AGBL1: variants seen among roughly 807,000 people sequenced by gnomAD.
AGBL1 encodes cytosolic carboxypeptidase 4.
A neutral mutation model predicts 118.9 loss-of-function variants in AGBL1; 130 were observed. The observed-to-expected ratio is 1.09, with a 90% CI of 0.95 to 1.26. The LOEUF (loss-of-function observed/expected upper bound fraction) is 1.26, where lower values mean the gene tolerates loss of function less well. AGBL1 is among the 50% of genes most tolerant of loss of function. The pLI, the probability that AGBL1 is intolerant of heterozygous loss-of-function variation, is 0.00. For synonymous variants in AGBL1, 555 were observed against 478.9 expected, an observed-to-expected ratio of 1.16 and a Z score of -2.08; for missense variants, 1,584 against 1,298.1, an observed-to-expected ratio of 1.22 and a Z score of -3.38.
chr15:86,136,967 CAG>C (rs2076897888), intron 1 of AGBL1, among the ~76,000 whole-genome samples: 1 of 152,010 alleles, frequency 6.6e-6, no homozygotes, highest in Non-Finnish European at 1.5e-5. Flanking sequence ...TTTTCAACAA[CAG>C]GGGATTACTC....
chr15:86,650,956 G>A (rs1237160012), intron 21 of AGBL1, among the ~76,000 whole-genome samples: 1 of 152,192 alleles, frequency 6.6e-6, no homozygotes, highest in Non-Finnish European at 1.5e-5. Context: ...TAAAAATTCT[G>A]TAGTTAGTAA....
At chr15:86,716,115 T>G (rs1261295747) in intron 22 of AGBL1, among the ~76,000 whole-genome samples, 1 of 152,134 alleles carries the variant, frequency 6.6e-6, no homozygotes, top group Non-Finnish European at 1.5e-5. Context: ...GCATTTTAGT[T>G]TGCTAGTCTA....
intron 23 of AGBL1, among the ~76,000 whole-genome samples, chr15:86,976,801 C>T (rs1264762436): frequency 1.3e-5 from 2 of 151,858 alleles, no homozygotes; most frequent in Non-Finnish European, 2.9e-5. Flanking sequence ...TAGATATGCT[C>T]ATATATTTAT....
intron 17 of AGBL1, among the ~76,000 whole-genome samples, chr15:86,370,911 A>G (rs572580647): frequency 6.6e-6 from 1 of 152,230 alleles, no homozygotes; most frequent in African/African-American, 2.4e-5. Flanking sequence ...GCACCTACAC[A>G]TAGTGCCTCT....
chr15:86,800,768 A>G (rs1197996957), intron 22 of AGBL1, among the ~76,000 whole-genome samples: 1 of 152,106 alleles, frequency 6.6e-6, no homozygotes, highest in African/African-American at 2.4e-5. Context: ...ATTTGCTTTA[A>G]TATTTCCTAC....
chr15:86,166,215 T>C (rs904519031), intron 5 of AGBL1, among the ~76,000 whole-genome samples: 2 of 152,292 alleles, frequency 1.3e-5, no homozygotes, highest in African/African-American at 4.8e-5. Context: ...TTAGGACTTT[T>C]ATTTGACAAC....
intron 22 of AGBL1, among the ~76,000 whole-genome samples, chr15:86,712,427 A>G (rs988062013): frequency 6.6e-6 from 1 of 151,828 alleles, no homozygotes. Flanking sequence ...AGCTAGAACC[A>G]TTTCACAGAA....
At chr15:86,105,968 T>C (rs1310482471) in intron 1 of AGBL1, among the ~76,000 whole-genome samples, 2 of 152,214 alleles carry the variant, frequency 1.3e-5, no homozygotes, top group African/African-American at 4.8e-5. Flanking sequence ...CAGCCCTTTG[T>C]TTCTTCCAAT....
At chr15:86,480,385 AT>A (rs1033954296) in intron 18 of AGBL1, among the ~76,000 whole-genome samples, 1 of 151,962 alleles carries the variant, frequency 6.6e-6, no homozygotes, top group Non-Finnish European at 1.5e-5. Context: ...CTCAAAGTTC[AT>A]TTTTTTCTCT....
intron 18 of AGBL1, among the ~76,000 whole-genome samples, chr15:86,397,810 A>AC (rs2081390850): frequency 6.6e-6 from 1 of 152,256 alleles, no homozygotes; most frequent in South Asian, 2.1e-4. Context: ...ACACAGTGAG[A>AC]CCCCACCTCT....
At chr15:86,443,034 T>C (rs1201543869) in intron 18 of AGBL1, among the ~76,000 whole-genome samples, 2 of 152,334 alleles carry the variant, frequency 1.3e-5, no homozygotes, top group East Asian at 3.9e-4. Flanking sequence ...TACCAGCCTG[T>C]GCATCTCTCC....
rs539429872 is a variant in AGBL1, at chr15:87,021,628, G to A, written c.3324-7197G>A. On this transcript the variant is annotated intron_variant, in intron 24 of 24. Transcript: ENST00000441037. ...AAGGCCTAATATCCAGAGTCTATAA[G>A]GAACTTAAGCAAATTTACCAGAAAA... 1.4e-4 allele frequency among the ~76,000 whole-genome samples: 21 copies of A among 152,166 alleles called. No individual in the cohort carries two copies. In the South Asian group the frequency reaches 3.9e-3, roughly 29 times the overall value.
intron 22 of AGBL1, among the ~76,000 whole-genome samples, chr15:86,768,721 T>G (rs888443244): frequency 6.6e-6 from 1 of 151,978 alleles, no homozygotes; most frequent in Non-Finnish European, 1.5e-5. Context: ...AATTAAACCA[T>G]ATGAAATTAA....
chr15:86,827,937 G>GTTTTTTTTTTTTTTTTTTTTTTTT (rs71460225), intron 22 of AGBL1, among the ~76,000 whole-genome samples: 2 of 7,800 alleles, frequency 2.6e-4, no homozygotes, highest in Non-Finnish European at 2.2e-4. Flanking sequence ...TTGATGTAGG[G>GTTTTTTTTTTTTTTTTTTTTTTTT]CTTTTTTTTT....
intron 5 of AGBL1, among the ~76,000 whole-genome samples, chr15:86,160,859 T>C (rs1171120680): frequency 6.6e-6 from 1 of 152,152 alleles, no homozygotes; most frequent in Non-Finnish European, 1.5e-5. Context: ...CACATAGCCA[T>C]GGGTATCAAG....
chr15:86,295,373 C>G lies in AGBL1; in HGVS notation c.2339C>G (p.Pro780Arg), dbSNP rs771260763. The G allele has an allele frequency of 6.2e-7, 1 of 1,606,808 alleles. No homozygotes were observed. The highest frequency in any genetic ancestry group is 1.7e-5 in the Admixed American group (1 of 59,136). ...PCPLVTITAM[P>R]ESNSDEHLEQ... ...CCCTTGGTGACCATCACGGCCATGC[C>G]TGAGTCCAACAGTGATGAGCATCTA... Residue 780 changes from proline (P) to arginine (R), a missense_variant, in exon 17 of 23, where the codon CCT (proline) becomes CGT (arginine). By Grantham distance (103) the Pro-to-Arg change is moderately radical. Coordinates refer to ENST00000614907, the MANE Select transcript of AGBL1 (RefSeq NM_001386094.1).
At chr15:86,167,499 G>T (rs1234988086) in intron 5 of AGBL1, among the ~76,000 whole-genome samples, 3 of 152,202 alleles carry the variant, frequency 2.0e-5, no homozygotes, top group African/African-American at 7.2e-5. Flanking sequence ...GCCTACCTCA[G>T]CCTCCCAAAG....
chr15:87,005,217 C>T (rs906174695), intron 24 of AGBL1, among the ~76,000 whole-genome samples: 2 of 152,104 alleles, frequency 1.3e-5, no homozygotes, highest in Non-Finnish European at 2.9e-5. Flanking sequence ...TCTGTCTTTC[C>T]TGAATTTGAA....
intron 22 of AGBL1, among the ~76,000 whole-genome samples, chr15:86,763,783 C>T (rs761279673): frequency 8.6e-5 from 13 of 152,046 alleles, no homozygotes; most frequent in Non-Finnish European, 1.6e-4. Context: ...CAGAGTTTTA[C>T]TGTAGCTTTG....
Sources: allele counts gnomAD v4.1 joint callset (sites outside exome capture counted in the v4.1 genomes callset), GRCh38; gene constraint gnomAD v4.1.1; transcripts MANE v1.5; gene names NCBI Gene and HGNC (gene_info 2026-07-23, HGNC 2026-07-21).